The following ENTREP2 variants were observed in gnomAD, a reference collection of about 807,000 sequenced individuals.
ENTREP2 encodes endosomal transmembrane epsin interactor 2, also known as protein ENTREP2.
At chr15:29,652,910 G>C in the ENTREP2 span, among the ~76,000 whole-genome samples, 4 of 152,202 alleles carry the variant, frequency 2.6e-5, no homozygotes, top group Non-Finnish European at 5.9e-5. Flanking sequence ...AAGCTGAATA[G>C]ACTGGATCAA....
the ENTREP2 span, among the ~76,000 whole-genome samples, chr15:29,251,818 C>A: frequency 7.3e-6 from 1 of 136,912 alleles, no homozygotes; most frequent in Non-Finnish European, 1.5e-5. Flanking sequence ...CAAGACAATG[C>A]TTCTTCTAAC....
At chr15:29,387,397 G>C in the ENTREP2 span, among the ~76,000 whole-genome samples, 1 of 152,104 alleles carries the variant, frequency 6.6e-6, no homozygotes, top group Admixed American at 6.5e-5. Flanking sequence ...AAATACCTAG[G>C]AATCCAACTT....
At chr15:29,185,670 T>A in the ENTREP2 span, among the ~76,000 whole-genome samples, 2 of 152,154 alleles carry the variant, frequency 1.3e-5, no homozygotes, top group African/African-American at 4.8e-5. Flanking sequence ...CAAGCGATTC[T>A]CCTGCCTCAG....
chr15:29,263,495 G>A, the ENTREP2 span, among the ~76,000 whole-genome samples: 3 of 152,230 alleles, frequency 2.0e-5, no homozygotes, highest in Non-Finnish European at 4.4e-5. Context: ...GAGCCCACGT[G>A]GGAAGCTAAG....
the ENTREP2 span, among the ~76,000 whole-genome samples, chr15:29,332,435 A>G: frequency 1.3e-5 from 2 of 150,132 alleles, no homozygotes; most frequent in African/African-American, 4.9e-5. Flanking sequence ...TTTCAAAGAG[A>G]AAAAAAAAGG....
At chr15:29,490,658 TC>T in the ENTREP2 span, among the ~76,000 whole-genome samples, 1 of 152,202 alleles carries the variant, frequency 6.6e-6, no homozygotes, top group African/African-American at 2.4e-5. Flanking sequence ...GTTCTCCAAG[TC>T]CCCACTAGAT....
the ENTREP2 span, among the ~76,000 whole-genome samples, chr15:29,665,815 G>A: frequency 1.3e-5 from 2 of 150,860 alleles, no homozygotes; most frequent in Non-Finnish European, 2.9e-5. Context: ...TTATAGGCAC[G>A]TGTATGTTAG....
chr15:29,339,174 C>A, the ENTREP2 span, among the ~76,000 whole-genome samples: 3 of 152,234 alleles, frequency 2.0e-5, no homozygotes, highest in African/African-American at 7.2e-5. Context: ...CGAGATAGGG[C>A]CCCTGGCAGC....
chr15:29,417,717 T>C, the ENTREP2 span, among the ~76,000 whole-genome samples: 1 of 152,178 alleles, frequency 6.6e-6, no homozygotes, highest in South Asian at 2.1e-4. Context: ...GAAATATATA[T>C]GTATGTATCT....
chr15:29,576,105 A>G, the ENTREP2 span, among the ~76,000 whole-genome samples: 1 of 152,250 alleles, frequency 6.6e-6, no homozygotes, highest in Non-Finnish European at 1.5e-5. Flanking sequence ...AGTAATCTAA[A>G]CAGCATGGTA....
the ENTREP2 span, among the ~76,000 whole-genome samples, chr15:29,402,759 A>C: frequency 8.6e-3 from 1,315 of 152,312 alleles, 10 homozygotes; most frequent in Admixed American, 0.03. Flanking sequence ...TGCATCTCAA[A>C]GTTACCATGG....
At chr15:29,462,747 C>G in the ENTREP2 span, among the ~76,000 whole-genome samples, 148 of 152,278 alleles carry the variant, frequency 9.7e-4, no homozygotes, top group African/African-American at 3.4e-3. Context: ...AATATTCTCT[C>G]TGGGCATGAC....
chr15:29,471,472 CAG>C, the ENTREP2 span, among the ~76,000 whole-genome samples: 1 of 152,176 alleles, frequency 6.6e-6, no homozygotes, highest in Non-Finnish European at 1.5e-5. Context: ...GCACAGAAAA[CAG>C]AGAGACCCCG....
At chr15:29,522,525 T>C in the ENTREP2 span, among the ~76,000 whole-genome samples, 2 of 152,120 alleles carry the variant, frequency 1.3e-5, no homozygotes, top group Admixed American at 6.5e-5. Context: ...ATTGCAGCAA[T>C]CTGATGAGTG....
At chr15:29,674,129 G>GGC in the ENTREP2 span, among the ~76,000 whole-genome samples, 1 of 47,910 alleles carries the variant, frequency 2.1e-5, no homozygotes, top group Non-Finnish European at 4.0e-5. Context: ...TGCAGAGGAT[G>GGC]GGGGGGGGGG....
the ENTREP2 span, among the ~76,000 whole-genome samples, chr15:29,521,372 A>C: frequency 1.3e-5 from 2 of 152,244 alleles, no homozygotes; most frequent in Non-Finnish European, 2.9e-5. Context: ...GAGAATTAAC[A>C]TAACCTTTCA....
the ENTREP2 span, among the ~76,000 whole-genome samples, chr15:29,523,561 ATTTTTTTTT>A: frequency 7.6e-5 from 6 of 78,506 alleles, no homozygotes; most frequent in African/African-American, 2.6e-4. Context: ...TCCCAGCTAG[ATTTTTTTTT>A]TTTTTTTTTT....
chr15:29,160,257 T>G, the ENTREP2 span, among the ~76,000 whole-genome samples: 1 of 152,092 alleles, frequency 6.6e-6, no homozygotes, highest in East Asian at 1.9e-4. Flanking sequence ...CCCACGCGTC[T>G]CCCTCCACAC....
the ENTREP2 span, among the ~76,000 whole-genome samples, chr15:29,351,630 C>A: frequency 6.6e-6 from 1 of 152,082 alleles, no homozygotes; most frequent in South Asian, 2.1e-4. Flanking sequence ...CTAACTATTT[C>A]ATATGAAATT....
Sources: gnomAD v4.1 joint callset for allele counts (sites outside exome capture counted in the v4.1 genomes callset) on GRCh38, gnomAD v4.1.1 for gene constraint, MANE v1.5 for transcripts, NCBI Gene and HGNC (gene_info 2026-07-23, HGNC 2026-07-21) for gene names.